Variants in TGFB1 observed in about 807,000 individuals in gnomAD.
TGFB1 encodes the protein transforming growth factor beta-1 proprotein.
In TGFB1, 19 loss-of-function variants were observed where a neutral mutation model predicts 43.8. That is an observed-to-expected ratio of 0.43 (90% CI 0.30 to 0.64). The LOEUF (loss-of-function observed/expected upper bound fraction) is 0.64. Ranked by LOEUF, TGFB1 falls within the 30% of genes least tolerant of loss-of-function variation. The probability of loss-of-function intolerance (pLI) is 0.11; values close to 1 mark genes in which losing one functional copy is unlikely to be tolerated. For missense variants in TGFB1, 445 were observed against 529.8 expected, an observed-to-expected ratio of 0.84 and a Z score of 1.57; for synonymous variants, 221 against 236.3, an observed-to-expected ratio of 0.94 and a Z score of 0.60.
At chr19:41,342,385 T>C (rs1599889156) in intron 3 of TGFB1, 138 bp from the exon 4 acceptor site, 10 of 511,816 alleles carry the variant, frequency 2.0e-5, no homozygotes, top group Admixed American at 6.9e-5. Context: ...TCACTGCAGC[T>C]CTCTCTTTTT....
Position 41,331,211 on chromosome 19 carries a change from C to T in TGFB1, c.1015-1G>A, listed in dbSNP as rs2037926506. The stretch of plus-strand genomic sequence containing the variant: ...TATGCTGGTTGTACAGGGCCAGGAC[C>T]TGCGGGCGGCGGGCGGGGTCAGGGC... On this transcript the variant is annotated splice_acceptor_variant, in intron 6 of 6. Transcript: ENST00000221930. LOFTEE classifies it high-confidence loss of function. The T allele has an allele frequency of 6.6e-7, 1 of 1,516,498 alleles. No individual in the cohort carries two copies. The highest frequency in any genetic ancestry group is 8.8e-7 in the Non-Finnish European group (1 of 1,132,210). The allele number at this position is 1,516,498 out of a possible 1,614,324, so 93.9% of individuals were successfully genotyped here. A position where few individuals can be genotyped will look rare whatever the true frequency, so the allele number is the denominator to read the frequency against.
intron 3 of TGFB1, among the ~76,000 whole-genome samples, chr19:41,343,356 A>G (rs913051628): frequency 6.6e-6 from 1 of 150,682 alleles, no homozygotes; most frequent in African/African-American, 2.4e-5. Flanking sequence ...CTGGTCTCGA[A>G]CTCCCGATCT....
rs2037918220 is a variant in TGFB1, at chr19:41,330,628, T to G, written c.*424A>C. 1 of 159,900 alleles carries G rather than the reference T, an allele frequency of 6.3e-6. No homozygotes were observed. Among genetic ancestry groups the G allele is most frequent in the Non-Finnish European group, 1.4e-5 (1 of 72,874 alleles). The allele number at this position is 159,900 out of a possible 1,614,324, so 9.9% of individuals were successfully genotyped here. On this transcript the variant is annotated 3_prime_UTR_variant, in exon 7 of 7. Transcript: ENST00000221930. ...CCTCCCTTAACCTCTCTGGGCTTGT[T>G]TCCTCACCTTTAAAATGGGTGTTAT...
rs534759931 is a variant in TGFB1 at position 41,338,358 on chromosome 19, G to C, written c.860+3525C>G. On this transcript the variant is annotated intron_variant, in intron 5 of 6. Coordinates refer to ENST00000221930, the MANE Select transcript of TGFB1 (RefSeq NM_000660.7). ...AAAATACAAAAGTTAGCCGGGCATGGTGGCAGGTGCCTATAATCCCAACTA... is the reference window on the plus strand; with the variant it reads ...AAAATACAAAAGTTAGCCGGGCATGCTGGCAGGTGCCTATAATCCCAACTA... 2.0e-5 allele frequency among the ~76,000 whole-genome samples: 3 copies of C among 151,610 alleles called. No individual in the cohort carries two copies. The South Asian group carries it at 6.2e-4, about 31-fold the overall frequency.
At chr19:41,349,952 A>G (rs2038164167) in intron 1 of TGFB1, among the ~76,000 whole-genome samples, 1 of 151,864 alleles carries the variant, frequency 6.6e-6, no homozygotes, top group African/African-American at 2.4e-5. Flanking sequence ...ATTCAAACTC[A>G]AGCTGTCTCA....
chr19:41,348,145 A>G, intron 2 of TGFB1, 150 bp downstream of exon 2: 1 of 747,772 alleles, frequency 1.3e-6, no homozygotes, highest in Non-Finnish European at 2.1e-6. Flanking sequence ...AAAAAAAAAA[A>G]GCGTTCTAGG....
In TGFB1 at chr19:41,330,862, A is replaced by G. The variant is rs1053119443; in HGVS notation, c.*190T>C. On this transcript the variant is annotated 3_prime_UTR_variant, in exon 7 of 7. Transcript: ENST00000221930. Reference sequence around the variant, plus strand: ...AGAGAGAGGGAGTGGGAGTGGGGGAACGTCAGGGATGGAGACCCCAGGCAG... The same window carrying G: ...AGAGAGAGGGAGTGGGAGTGGGGGAGCGTCAGGGATGGAGACCCCAGGCAG... 1.1e-5 allele frequency: 6 copies of G among 523,534 alleles called. No homozygotes were observed. Among genetic ancestry groups the G allele is most frequent in the Middle Eastern group, 1.0e-3 (2 of 1,976 alleles). The allele number at this position is 523,534 out of a possible 1,614,324, so 32.4% of individuals were successfully genotyped here. A position where few individuals can be genotyped will look rare whatever the true frequency, so the allele number is the denominator to read the frequency against.
chr19:41,348,605 T>G (rs974940686), intron 1 of TGFB1, 150 bp from the exon 2 acceptor site: 20 of 296,728 alleles, frequency 6.7e-5, no homozygotes, highest in Middle Eastern at 1.2e-3. Context: ...ATTTATTTAT[T>G]TATTTATTTA....
chr19:41,335,168 T>G (rs923132847), intron 5 of TGFB1, among the ~76,000 whole-genome samples: 1 of 151,722 alleles, frequency 6.6e-6, no homozygotes, highest in Non-Finnish European at 1.5e-5. Flanking sequence ...TTCTCCTGCC[T>G]CAGCCTCTCA....
chr19:41,335,353 T>C (rs2037977699), intron 5 of TGFB1, among the ~76,000 whole-genome samples: 1 of 152,046 alleles, frequency 6.6e-6, no homozygotes, highest in South Asian at 2.1e-4. Context: ...CGCACCCGGC[T>C]CAGAATCATC....
At chr19:41,344,927 T>C in intron 2 of TGFB1, 63 bp from the exon 3 acceptor site, 2 of 1,414,834 alleles carry the variant, frequency 1.4e-6, no homozygotes, top group Non-Finnish European at 2.0e-6. Flanking sequence ...CCACATACAC[T>C]AACTGAATCC....
chr19:41,336,565 T>G (rs1220439634), intron 5 of TGFB1, among the ~76,000 whole-genome samples: 1 of 151,802 alleles, frequency 6.6e-6, no homozygotes, highest in Non-Finnish European at 1.5e-5. Flanking sequence ...TTCATATTTT[T>G]TTTTTTGGGA....
At chr19:41,342,302 G>A (rs1307088487) in intron 3 of TGFB1, 55 bp from the exon 4 acceptor site, 3 of 1,542,308 alleles carry the variant, frequency 1.9e-6, no homozygotes, top group Non-Finnish European at 2.6e-6. Flanking sequence ...CCCAGCCCCT[G>A]GAGGAAGAGG....
rs148552731 is a variant in TGFB1, at chr19:41,342,025, T to C, written c.718A>G (p.Thr240Ala). The C allele has an allele frequency of 6.2e-7, 1 of 1,613,998 alleles. No homozygotes were observed. Among genetic ancestry groups the C allele is most frequent in the Non-Finnish European group, 8.5e-7 (1 of 1,179,996 alleles). ...GCCAGGTCACCTCGGCGGCCGGTAG[T>C]GAACCCTGCTTTGGTGTGGGAGTCA... Reference protein sequence around the residue: ...NTLQVDINGFTTGRRGDLATI... With the variant: ...NTLQVDINGFATGRRGDLATI... Residue 240 changes from threonine to alanine, a missense_variant, in exon 5 of 7, where the codon ACT becomes GCT. Physicochemically the swap from Thr to Ala is moderately conservative, Grantham distance 58. Transcript: ENST00000221930.
Position 41,348,357 on chromosome 19 carries a change from G to A in TGFB1, c.454C>T (p.Arg152Trp), listed in dbSNP as rs201405597. The change falls in exon 2 of 7, where the codon CGG (arginine) becomes TGG (tryptophan). Residue 152 changes from arginine to tryptophan, a missense_variant. By Grantham distance (101) the Arg-to-Trp change is moderately radical (BLOSUM62 -3). Coordinates refer to ENST00000221930, the MANE Select transcript of TGFB1 (RefSeq NM_000660.7). Reference sequence around the variant, plus strand: ...AGCCTCAGCAGACGCAGCTCTGCCCGGGAGAGCAACACGGGTTCAGGTACC... The same window carrying A: ...AGCCTCAGCAGACGCAGCTCTGCCCAGGAGAGCAACACGGGTTCAGGTACC... The part of the protein sequence containing the change: ...EAVPEPVLLS[R>W]AELRLLRLKL... The A allele has an allele frequency of 3.7e-5, 59 of 1,613,438 alleles. No individual in the cohort carries two copies. In the South Asian group the frequency reaches 5.5e-4, roughly 15 times the overall value.
intron 3 of TGFB1, 96 bp downstream of exon 3, chr19:41,344,651 T>G: frequency 9.0e-7 from 1 of 1,107,452 alleles, no homozygotes; most frequent in Non-Finnish European, 1.4e-6. Flanking sequence ...CACACCAGTA[T>G]GGGGCGGAGA....
chr19:41,343,198 G>A (rs1047971722), intron 3 of TGFB1, among the ~76,000 whole-genome samples: 2 of 149,280 alleles, frequency 1.3e-5, no homozygotes, highest in Non-Finnish European at 3.0e-5. Flanking sequence ...GCAATGGCAC[G>A]ATCTTGGCTC....
At position 41,332,079 on chromosome 19, in the gene TGFB1, G is replaced by A. The variant is rs201231811; in HGVS notation, c.1014+49C>T. ...TTCTCTTTCTCTCTCCTCTTCCTCCGTCCTGGCTCCCCCCAAGCGCATCTC... is the reference window on the plus strand; with the variant it reads ...TTCTCTTTCTCTCTCCTCTTCCTCCATCCTGGCTCCCCCCAAGCGCATCTC... On this transcript the variant is annotated intron_variant, in intron 6 of 6. Transcript: ENST00000221930. The A allele has an allele frequency of 4.6e-5, 73 of 1,580,800 alleles. No homozygotes were observed. In the Middle Eastern group the frequency reaches 1.5e-3, roughly 33 times the overall value.
chr19:41,349,570 A>G (rs2038158369), intron 1 of TGFB1, among the ~76,000 whole-genome samples: 1 of 152,184 alleles, frequency 6.6e-6, no homozygotes. Context: ...CAGCCTGGCC[A>G]ACATGGTGAA....
Sources: allele counts gnomAD v4.1 joint callset (sites outside exome capture counted in the v4.1 genomes callset), GRCh38; gene constraint gnomAD v4.1.1; transcripts MANE v1.5; gene names NCBI Gene and HGNC (gene_info 2026-07-23, HGNC 2026-07-21).